The following ASCC1 variants were observed in gnomAD, a reference collection of about 807,000 sequenced individuals.
ASCC1 encodes activating signal cointegrator 1 complex subunit 1.
In ASCC1, 35 loss-of-function variants were observed where a neutral mutation model predicts 46.6. The observed-to-expected ratio is 0.75, with a 90% confidence interval of 0.57 to 0.99. The LOEUF (loss-of-function observed/expected upper bound fraction) is 0.99, where lower values mean the gene tolerates loss of function less well. ASCC1 is among the 50% of genes least tolerant of loss of function. The probability of loss-of-function intolerance (pLI) is 0.00; values close to 1 mark genes in which losing one functional copy is unlikely to be tolerated. For missense variants in ASCC1, 376 were observed against 428.7 expected (o/e 0.88, Z 1.09); for synonymous variants, 143 against 146.6 (o/e 0.98, Z 0.18).
chr10:72,169,393 T>C (rs1051489178), intron 5 of ASCC1, among the ~76,000 whole-genome samples: 1 of 152,120 alleles, frequency 6.6e-6, no homozygotes, highest in East Asian at 1.9e-4. Context: ...TGAGCTGTGA[T>C]AGTGCCACTG....
intron 9 of ASCC1, among the ~76,000 whole-genome samples, chr10:72,116,505 C>G (rs1044911244): frequency 6.6e-6 from 1 of 152,162 alleles, no homozygotes; most frequent in African/African-American, 2.4e-5. Context: ...CCATTCTCTC[C>G]TTCTGAGGTT....
chr10:72,195,204 T>A lies in ASCC1; in HGVS notation c.489+1607A>T, dbSNP rs531908025. Among the ~76,000 whole-genome samples, 8 of 126,784 alleles carry A rather than the reference T, an allele frequency of 6.3e-5. No individual in the cohort carries two copies. In the South Asian group the frequency reaches 2.3e-3, roughly 36 times the overall value. The allele number at this position is 126,784 out of a possible 152,430, so 83.2% of individuals were successfully genotyped here. A position where few individuals can be genotyped will look rare whatever the true frequency, so the allele number is the denominator to read the frequency against. The stretch of plus-strand genomic sequence containing the variant: ...CTCCATTGCCCAGGCTGGAGTGCAA[T>A]AATACAATCTCAGTTCACTGACACC... On this transcript the variant is annotated intron_variant, in intron 5 of 9. Transcript: ENST00000672957.
intron 9 of ASCC1, among the ~76,000 whole-genome samples, chr10:72,107,669 T>G (rs1842492438): frequency 6.6e-6 from 1 of 152,248 alleles, no homozygotes; most frequent in Admixed American, 6.5e-5. Flanking sequence ...AAAAAATTGA[T>G]ATTTCTTTTC....
chr10:72,131,775 G>A (rs1845634343), intron 8 of ASCC1, among the ~76,000 whole-genome samples: 1 of 151,830 alleles, frequency 6.6e-6, no homozygotes, highest in Admixed American at 6.6e-5. Context: ...ATTAAAAGAC[G>A]TGCCTTAACT....
chr10:72,135,106 C>T (rs375235963), intron 7 of ASCC1, among the ~76,000 whole-genome samples: 3 of 152,076 alleles, frequency 2.0e-5, no homozygotes, highest in African/African-American at 4.8e-5. Context: ...AAGTTGCAAA[C>T]GCTTACTGAC....
intron 9 of ASCC1, among the ~76,000 whole-genome samples, chr10:72,120,212 A>C (rs1301953862): frequency 6.6e-6 from 1 of 152,226 alleles, no homozygotes; most frequent in Non-Finnish European, 1.5e-5. Flanking sequence ...TGGGCGACAG[A>C]GTGAGACTCC....
intron 6 of ASCC1, among the ~76,000 whole-genome samples, chr10:72,157,452 A>G (rs1461521125): frequency 6.6e-6 from 1 of 152,182 alleles, no homozygotes; most frequent in African/African-American, 2.4e-5. Context: ...TTCCCACTAA[A>G]ATGTTTTTAA....
chr10:72,130,723 A>C (rs1233582399), intron 8 of ASCC1, among the ~76,000 whole-genome samples: 2 of 152,228 alleles, frequency 1.3e-5, no homozygotes, highest in Non-Finnish European at 1.5e-5. Flanking sequence ...ATGTTTTCCC[A>C]TAAATTTTAA....
At chr10:72,201,414 C>T (rs1008691943) in intron 4 of ASCC1, among the ~76,000 whole-genome samples, 4 of 152,136 alleles carry the variant, frequency 2.6e-5, no homozygotes, top group African/African-American at 4.8e-5. Context: ...TGGGGCTAGA[C>T]GCAGTGACTC....
Position 72,102,123 on chromosome 10 carries a change from C to A in ASCC1, c.958-4673G>T, listed in dbSNP as rs149093279. The stretch of plus-strand genomic sequence containing the variant: ...CCTGTGTAACAAACCTTCACATGTA[C>A]CCCCAAACCTAAAATAAAAATTACA... On this transcript the variant is annotated intron_variant, in intron 9 of 9. Transcript: ENST00000672957. Among the ~76,000 whole-genome samples the A allele has an allele frequency of 2.0e-3, 307 of 151,562 alleles. 3 individuals carry two copies. The highest frequency in any genetic ancestry group is 7.0e-3 in the African/African-American group (285 of 40,926).
At chr10:72,206,525 G>A (rs967632234) in intron 3 of ASCC1, among the ~76,000 whole-genome samples, 8 of 152,206 alleles carry the variant, frequency 5.3e-5, no homozygotes, top group African/African-American at 1.9e-4. Context: ...GTGGCACAGA[G>A]CTCCATACAG....
intron 7 of ASCC1, among the ~76,000 whole-genome samples, chr10:72,145,554 T>A (rs1847527855): frequency 6.6e-6 from 1 of 152,234 alleles, no homozygotes; most frequent in Non-Finnish European, 1.5e-5. Context: ...TAGAGAAGCT[T>A]TCCTTGAGGC....
chr10:72,185,169 C>T (rs2133086317), intron 5 of ASCC1, among the ~76,000 whole-genome samples: 1 of 152,308 alleles, frequency 6.6e-6, no homozygotes, highest in South Asian at 2.1e-4. Context: ...TCTCACACAT[C>T]ATTTGTAGCA....
chr10:72,210,216 A>C (rs1432359414), intron 3 of ASCC1, among the ~76,000 whole-genome samples: 2 of 148,990 alleles, frequency 1.3e-5, no homozygotes, highest in Non-Finnish European at 3.0e-5. Flanking sequence ...CTGCAGTGCA[A>C]TGGCACAATC....
At chr10:72,123,454 A>G (rs1168626473) in intron 9 of ASCC1, among the ~76,000 whole-genome samples, 2 of 152,160 alleles carry the variant, frequency 1.3e-5, no homozygotes, top group Admixed American at 1.3e-4. Context: ...TGATGTGTCA[A>G]TGTGGCCTAT....
chr10:72,201,223 C>G (rs1349805199), intron 4 of ASCC1, among the ~76,000 whole-genome samples: 1 of 152,128 alleles, frequency 6.6e-6, no homozygotes, highest in East Asian at 1.9e-4. Context: ...ACACAGTTCA[C>G]TGCAGCCTGG....
chr10:72,187,983 A>G (rs1260861415), intron 5 of ASCC1, among the ~76,000 whole-genome samples: 1 of 151,984 alleles, frequency 6.6e-6, no homozygotes, highest in Non-Finnish European at 1.5e-5. Flanking sequence ...TGGTTTTACA[A>G]TTCTACACTA....
intron 5 of ASCC1, among the ~76,000 whole-genome samples, chr10:72,162,084 ATTTACCTG>A (rs1334879955): frequency 6.6e-6 from 1 of 152,208 alleles, no homozygotes; most frequent in Non-Finnish European, 1.5e-5. Context: ...TTTGCAAGTA[ATTTACCTG>A]ATAAGGGTCT....
intron 9 of ASCC1, among the ~76,000 whole-genome samples, chr10:72,102,123 C>T (rs149093279): frequency 1.3e-5 from 2 of 151,446 alleles, no homozygotes; most frequent in East Asian, 3.8e-4. Context: ...TTCACATGTA[C>T]CCCCAAACCT....
Sources: allele counts gnomAD v4.1 joint callset (sites outside exome capture counted in the v4.1 genomes callset), GRCh38; gene constraint gnomAD v4.1.1; transcripts MANE v1.5; gene names NCBI Gene and HGNC (gene_info 2026-07-23, HGNC 2026-07-21).